Variants in ULK2 observed in about 807,000 individuals in gnomAD.
ULK2 encodes unc-51 like autophagy activating kinase 2, also known as serine/threonine-protein kinase ULK2.
Under a neutral mutation model 127.5 loss-of-function variants are expected in ULK2, and 76 were observed. The observed-to-expected ratio is 0.60, with a 90% CI of 0.50 to 0.72. The LOEUF is 0.72. Ranked by LOEUF, ULK2 falls within the 30% of genes least tolerant of loss-of-function variation. The probability of loss-of-function intolerance (pLI) is 0.00; values close to 1 mark genes in which losing one functional copy is unlikely to be tolerated. For missense variants in ULK2, 1,144 were observed against 1,295.9 expected (o/e 0.88, Z 1.80); for synonymous variants, 452 against 461.9 (o/e 0.98, Z 0.28).
At chr17:19,793,422 A>G (rs1028326656) in intron 20 of ULK2, among the ~76,000 whole-genome samples, 1 of 152,232 alleles carries the variant, frequency 6.6e-6, no homozygotes, top group Non-Finnish European at 1.5e-5. Flanking sequence ...ATAGTCTTCA[A>G]TGGTGCTGCG....
chr17:19,824,763 A>T (rs2152392618), intron 12 of ULK2, among the ~76,000 whole-genome samples: 1 of 152,326 alleles, frequency 6.6e-6, no homozygotes, highest in African/African-American at 2.4e-5. Context: ...ATAAATATTT[A>T]TTGCCTATCC....
intron 11 of ULK2, 74 bp downstream of exon 11, chr17:19,826,065 G>C: frequency 1.5e-6 from 1 of 677,756 alleles, no homozygotes. Flanking sequence ...GATGAATTTT[G>C]TAGTAAAAAT....
At chr17:19,852,096 G>T (rs192570244) in intron 3 of ULK2, among the ~76,000 whole-genome samples, 1 of 148,506 alleles carries the variant, frequency 6.7e-6, no homozygotes, top group Admixed American at 6.7e-5. Context: ...AGTGTGGCAC[G>T]CACCTGTAGT....
intron 18 of ULK2, among the ~76,000 whole-genome samples, chr17:19,796,964 C>T (rs750858677): frequency 8.5e-5 from 13 of 152,164 alleles, no homozygotes; most frequent in African/African-American, 1.4e-4. Context: ...AAAGTACTTA[C>T]GCTGCATCTG....
At chr17:19,791,022 G>C (rs2087140450) in intron 20 of ULK2, among the ~76,000 whole-genome samples, 1 of 152,168 alleles carries the variant, frequency 6.6e-6, no homozygotes, top group Non-Finnish European at 1.5e-5. Flanking sequence ...TATTGTTAGA[G>C]CTAAAGACAG....
chr17:19,799,053 T>C (rs1489659085), intron 17 of ULK2, among the ~76,000 whole-genome samples: 2 of 151,126 alleles, frequency 1.3e-5, no homozygotes, highest in Non-Finnish European at 2.9e-5. Context: ...CCCAGCTACT[T>C]GGGTGGCTGA....
At chr17:19,866,391 C>T (rs2042352075) in intron 1 of ULK2, among the ~76,000 whole-genome samples, 1 of 151,998 alleles carries the variant, frequency 6.6e-6, no homozygotes, top group South Asian at 2.1e-4. Flanking sequence ...ACCTGTAATC[C>T]CAGCTACTCA....
At chr17:19,839,009 C>G (rs1380777684) in intron 9 of ULK2, among the ~76,000 whole-genome samples, 2 of 147,444 alleles carry the variant, frequency 1.4e-5, no homozygotes, top group Non-Finnish European at 3.0e-5. Flanking sequence ...CCAGGCTGGG[C>G]GACAGAGCAA....
rs1045388557 is a variant in ULK2, at chr17:19,825,111, G to A, written c.907C>T (p.Arg303Cys). The A allele has an allele frequency of 1.1e-5, 18 of 1,613,962 alleles. No individual in the cohort carries two copies. Among genetic ancestry groups the A allele is most frequent in the African/African-American group, 2.7e-5 (2 of 74,926 alleles). Residue 303 changes from arginine to cysteine, a missense_variant, in exon 12 of 27, where the codon CGT becomes TGT. Transcript: ENST00000395544. ...GSSCGSSPSC[R>C]FASPPSLPDM... ...TAACTTACTGGTGGAGAAGCAAAAC[G>A]ACAAGATGGAGAGCTGCCACAGGAG...
chr17:19,856,128 C>T (rs1464678307), intron 3 of ULK2: 1 of 152,236 alleles, frequency 6.6e-6, no homozygotes, highest in Non-Finnish European at 1.5e-5. Context: ...ACAATTCCAT[C>T]ACCCCAAGAA....
At chr17:19,858,533 C>T (rs1051176703) in intron 3 of ULK2, among the ~76,000 whole-genome samples, 5 of 152,186 alleles carry the variant, frequency 3.3e-5, no homozygotes, top group Admixed American at 3.3e-4. Flanking sequence ...CATTAACCAG[C>T]TCAAGAAATA....
Position 19,795,684 on chromosome 17 carries a change from G to A in ULK2, c.2039C>T (p.Thr680Ile). Residue 680 changes from threonine (T) to isoleucine (I), a missense_variant, in exon 20 of 27, where the codon ACT becomes ATT. Coordinates refer to ENST00000395544, the MANE Select transcript of ULK2 (RefSeq NM_014683.4). The stretch of plus-strand genomic sequence containing the variant: ...GCTGCCCTGATGTCGACATATAGGA[G>A]TCTTTCCTTGTTGATCTGATAACTT... ...TGKLSDQQGKTPICRHQGSTD... is the reference protein window; with the variant it reads ...TGKLSDQQGKIPICRHQGSTD... 6.2e-7 allele frequency: 1 copy of A among 1,614,086 alleles called. No homozygotes were observed. Among genetic ancestry groups the A allele is most frequent in the East Asian group, 2.2e-5 (1 of 44,864 alleles).
intron 13 of ULK2, among the ~76,000 whole-genome samples, chr17:19,812,867 T>C (rs968606635): frequency 2.0e-5 from 3 of 152,214 alleles, no homozygotes; most frequent in Non-Finnish European, 4.4e-5. Flanking sequence ...TAGAATTTTA[T>C]ATCCTTTCCC....
intron 12 of ULK2, 22 bp downstream of exon 12, chr17:19,825,072 T>C (rs779963255): frequency 6.2e-7 from 1 of 1,608,512 alleles, no homozygotes; most frequent in Non-Finnish European, 8.5e-7. Flanking sequence ...TCTGAAATTA[T>C]TTTTAATAAA....
rs766302424 is a variant in ULK2, at chr17:19,849,691, A to C, written c.258+51T>G. The C allele has an allele frequency of 3.0e-6, 4 of 1,313,886 alleles. No homozygotes were observed. The African/African-American group carries it at 4.5e-5, about 15-fold the overall frequency. The allele number at this position is 1,313,886 out of a possible 1,614,324, so 81.4% of individuals were successfully genotyped here. ...CAGATTTATGCTAGAATCTAAAAAA[A>C]AAAAAAAAGAAATTTGAAATAAATT... is the stretch of plus-strand genomic sequence containing the variant. On this transcript the variant is annotated intron_variant, in intron 4 of 26. Transcript: ENST00000395544.
intron 14 of ULK2, among the ~76,000 whole-genome samples, chr17:19,809,726 C>G (rs370581855): frequency 0.28 from 30,497 of 107,490 alleles, 4,245 homozygotes; most frequent in South Asian, 0.43. Context: ...GGACGAGACT[C>G]CGTCTCAAAA....
At chr17:19,829,794 G>A (rs1474775029) in intron 10 of ULK2, among the ~76,000 whole-genome samples, 18 of 144,550 alleles carry the variant, frequency 1.2e-4, no homozygotes, top group Non-Finnish European at 2.2e-4. Context: ...AACCGAGATC[G>A]CGCCACTGCA....
Position 19,826,181 on chromosome 17 carries a change from A to C in ULK2, c.793T>G (p.Phe265Val). The C allele has an allele frequency of 1.4e-6, 2 of 1,474,024 alleles. No individual in the cohort carries two copies. Among genetic ancestry groups the C allele is most frequent in the Non-Finnish European group, 1.8e-6 (2 of 1,101,998 alleles). The allele number at this position is 1,474,024 out of a possible 1,614,324, so 91.3% of individuals were successfully genotyped here. A position where few individuals can be genotyped will look rare whatever the true frequency, so the allele number is the denominator to read the frequency against. The change falls in exon 11 of 27, where the codon TTT becomes GTT. Residue 265 changes from phenylalanine to valine, a missense_variant. By Grantham distance (50) the Phe-to-Val change is conservative. Around this residue, in one of 2 missense-constraint regions of ULK2, gnomAD observed 913 missense variants for 970.5 expected, o/e 0.94. Transcript: ENST00000395544. Reference protein sequence around the residue: ...NQKDRMDFEAFFSHPFLEQGP... With the variant: ...NQKDRMDFEAVFSHPFLEQGP... ...TGCTCAAGAAAAGGATGGCTAAAAA[A>C]TGCTTCTGTAACAAGAAATGAGAAT...
intron 11 of ULK2, among the ~76,000 whole-genome samples, chr17:19,825,651 A>AGCCGAGATCACG (rs2041270350): frequency 6.6e-6 from 1 of 151,150 alleles, no homozygotes; most frequent in East Asian, 2.0e-4. Context: ...CAGAGGTTGT[A>AGCCGAGATCACG]CCACTGCACT....
Sources: allele counts gnomAD v4.1 joint callset (sites outside exome capture counted in the v4.1 genomes callset), GRCh38; gene constraint gnomAD v4.1.1; regional missense constraint gnomAD v4.1.1; transcripts MANE v1.5; gene names NCBI Gene and HGNC (gene_info 2026-07-23, HGNC 2026-07-21).